Variants in KCNJ14 observed in about 807,000 individuals in gnomAD.
KCNJ14 encodes the protein potassium inwardly rectifying channel subfamily J member 14.
A neutral mutation model predicts 24.5 loss-of-function variants in KCNJ14; 18 were observed. The observed-to-expected ratio is 0.74, with a 90% CI of 0.51 to 1.09. The LOEUF is 1.09. Among genes scored for constraint, KCNJ14 ranks in the 50% least tolerant of loss-of-function variants. The pLI is 0.00. For missense variants in KCNJ14, 633 were observed against 623.0 expected (o/e 1.02, Z -0.17); for synonymous variants, 288 against 270.8 (o/e 1.06, Z -0.63).
Position 48,465,711 on chromosome 19 carries a change from A to G in KCNJ14, c.*934A>G, listed in dbSNP as rs919271971. On this transcript the variant is annotated 3_prime_UTR_variant, in exon 3 of 3. Coordinates refer to ENST00000342291, the MANE Select transcript of KCNJ14 (RefSeq NM_013348.4). Reference sequence around the variant, plus strand: ...TCACAGAGTCAAGGAAGCAGTGGCAATTCTAGATATCTGAGATTTTGCTGG... The same window carrying G: ...TCACAGAGTCAAGGAAGCAGTGGCAGTTCTAGATATCTGAGATTTTGCTGG... The G allele has an allele frequency of 3.3e-5, 5 of 152,650 alleles. No homozygotes were observed. Among genetic ancestry groups the G allele is most frequent in the African/African-American group, 4.8e-5 (2 of 41,446 alleles). 9.5% of individuals were successfully genotyped at this position (152,650 alleles called of 1,614,324 possible).
Position 48,465,971 on chromosome 19 carries a change from G to A in KCNJ14, c.*1194G>A, listed in dbSNP as rs1445519452. The A allele has an allele frequency of 6.6e-6, 1 of 152,662 alleles. No individual in the cohort carries two copies. The highest frequency in any genetic ancestry group is 6.5e-5 in the Admixed American group (1 of 15,284). The allele number at this position is 152,662 out of a possible 1,614,324, so 9.5% of individuals were successfully genotyped here. A position where few individuals can be genotyped will look rare whatever the true frequency, so the allele number is the denominator to read the frequency against. On this transcript the variant is annotated 3_prime_UTR_variant, in exon 3 of 3. Transcript: ENST00000342291. ...GTGAAGGTGAAGGTGAGACCCTGTA[G>A]GGCACAGGGCTAATTAGTGGACAAG...
At chr19:48,459,722 C>G (rs1255512941) in intron 1 of KCNJ14, among the ~76,000 whole-genome samples, 1 of 152,102 alleles carries the variant, frequency 6.6e-6, no homozygotes, top group African/African-American at 2.4e-5. Flanking sequence ...TAGTGTCTTT[C>G]GGAGCACAAA....
intron 1 of KCNJ14, among the ~76,000 whole-genome samples, chr19:48,460,019 CA>C (rs548938477): frequency 0.065 from 7,941 of 122,874 alleles, 243 homozygotes; most frequent in Non-Finnish European, 0.091. Flanking sequence ...GAGTCCATCT[CA>C]AAAAAAAAAA....
intron 2 of KCNJ14, 95 bp from the exon 3 acceptor site, chr19:48,464,086 T>C: frequency 1.1e-6 from 1 of 870,534 alleles, no homozygotes; most frequent in Non-Finnish European, 1.9e-6. Flanking sequence ...CCTGTGGTCT[T>C]TGCCTTCTTT....
In KCNJ14 at chr19:48,461,684, C is replaced by T; in HGVS notation, c.-41C>T. On this transcript the variant is annotated 5_prime_UTR_variant, in exon 2 of 3. Transcript: ENST00000342291. ...TCTTGTCCCAGCAGGTTGGGGGCGC[C>T]TGCCCCCCACTAGGCCAAGTGGAGG... 1 of 1,286,932 alleles carries T rather than the reference C, an allele frequency of 7.8e-7. No individual in the cohort carries two copies. Among genetic ancestry groups the T allele is most frequent in the Non-Finnish European group, 1.0e-6 (1 of 991,780 alleles). 79.7% of individuals were successfully genotyped at this position (1,286,932 alleles called of 1,614,324 possible).
chr19:48,461,095 C>T lies in KCNJ14; in HGVS notation c.-55-575C>T, dbSNP rs571657481. On this transcript the variant is annotated intron_variant, in intron 1 of 2. Transcript: ENST00000342291. ...CAGCACTTTGGGAGGCCAAAGCAGG[C>T]GGATCACGAGGTCAGGAGATCGAGA... Among the ~76,000 whole-genome samples, 9 of 152,126 alleles carry T rather than the reference C, an allele frequency of 5.9e-5. No homozygotes were observed. The East Asian group carries it at 1.4e-3, about 23-fold the overall frequency.
Position 48,462,358 on chromosome 19 carries a change from C to G in KCNJ14, c.634C>G (p.Arg212Gly), listed in dbSNP as rs1476874802. Residue 212 changes from arginine to glycine, a missense_variant, in exon 2 of 3, where the codon CGC becomes GGC. By Grantham distance (125) the Arg-to-Gly change is moderately radical (BLOSUM62 -2). Transcript: ENST00000342291. The surrounding 1 kb of genome is among the most constrained non-coding windows in gnomAD (Gnocchi z 4.9). ...ENAVVALRDH[R>G]LCLMWRVGNL... ...CGCCGTCGTGGCGCTGCGCGACCAC[C>G]GCCTCTGCCTCATGTGGCGCGTCGG... The G allele has an allele frequency of 6.5e-7, 1 of 1,543,034 alleles. No homozygotes were observed.
At position 48,465,539 on chromosome 19, in the gene KCNJ14, T is replaced by C. The variant is rs1268941882; in HGVS notation, c.*762T>C. ...GAAGTGACAGATTAAGAGTTCTTGA[T>C]ATTAGATAACTCCAACTTCTGGCTG... On this transcript the variant is annotated 3_prime_UTR_variant, in exon 3 of 3. Coordinates refer to ENST00000342291, the MANE Select transcript of KCNJ14 (RefSeq NM_013348.4). The C allele has an allele frequency of 6.6e-6, 1 of 152,470 alleles. No homozygotes were observed. Among genetic ancestry groups the C allele is most frequent in the Non-Finnish European group, 1.5e-5 (1 of 68,030 alleles). The allele number at this position is 152,470 out of a possible 1,614,324, so 9.4% of individuals were successfully genotyped here. A position where few individuals can be genotyped will look rare whatever the true frequency, so the allele number is the denominator to read the frequency against.
chr19:48,458,598 C>T (rs899733899), intron 1 of KCNJ14, among the ~76,000 whole-genome samples: 9 of 151,978 alleles, frequency 5.9e-5, no homozygotes, highest in African/African-American at 7.3e-5. Flanking sequence ...TTAATAGAGA[C>T]GGGATTTTGC....
At position 48,464,191 on chromosome 19, in the gene KCNJ14, C is replaced by A. The variant is rs879084431; in HGVS notation, c.725C>A (p.Thr242Asn). 3.7e-6 allele frequency: 6 copies of A among 1,613,542 alleles called. No individual in the cohort carries two copies. Among genetic ancestry groups the A allele is most frequent in the Non-Finnish European group, 5.1e-6 (6 of 1,179,632 alleles). ...VRAQLLQPRV[T>N]PEGEYIPLDH... Reference sequence around the variant, plus strand: ...CGCCTCCTGCTGCAGCCCCGTGTGACCCCAGAGGGTGAGTACATCCCGCTG... The same window carrying A: ...CGCCTCCTGCTGCAGCCCCGTGTGAACCCAGAGGGTGAGTACATCCCGCTG... The change falls in exon 3 of 3, where the codon ACC (threonine) becomes AAC (asparagine). Residue 242 changes from threonine to asparagine, a missense_variant. Thr to Asn is a moderately conservative substitution (Grantham distance 65). Coordinates refer to ENST00000342291, the MANE Select transcript of KCNJ14 (RefSeq NM_013348.4).
Position 48,464,789 on chromosome 19 carries a change from G to A in KCNJ14, c.*12G>A, listed in dbSNP as rs1008999097. On this transcript the variant is annotated 3_prime_UTR_variant, in exon 3 of 3. Coordinates refer to ENST00000342291, the MANE Select transcript of KCNJ14 (RefSeq NM_013348.4). ...CCCTGCCTCCATGATGCAAACTGAT[G>A]TCCCCTTCCCCGTGTATGCCCCCTT... 4 of 1,580,604 alleles carry A rather than the reference G, an allele frequency of 2.5e-6. No homozygotes were observed. The highest frequency in any genetic ancestry group is 2.7e-5 in the African/African-American group (2 of 74,492).
At chr19:48,461,019 A>T (rs879718620) in intron 1 of KCNJ14, among the ~76,000 whole-genome samples, 63 of 151,792 alleles carry the variant, frequency 4.2e-4, no homozygotes, top group Non-Finnish European at 6.8e-4. Context: ...TAAAAAAAAA[A>T]TTTAAAAAAG....
chr19:48,464,171 C>A lies in KCNJ14; in HGVS notation c.715-10C>A, dbSNP rs773864451. The A allele has an allele frequency of 6.2e-7, 1 of 1,605,070 alleles. No individual in the cohort carries two copies. The highest frequency in any genetic ancestry group is 1.1e-5 in the South Asian group (1 of 90,854). ...CCCTGCTGTCTTTGGCTCCTCGCCT[C>A]CTGCTGCAGCCCCGTGTGACCCCAG... On this transcript the variant is annotated splice_polypyrimidine_tract_variant and intron_variant, in intron 2 of 2. Coordinates refer to ENST00000342291, the MANE Select transcript of KCNJ14 (RefSeq NM_013348.4).
chr19:48,461,541 A>T (rs1971596173), intron 1 of KCNJ14, 129 bp from the exon 2 acceptor site: 2 of 392,068 alleles, frequency 5.1e-6, no homozygotes, highest in Non-Finnish European at 8.9e-6. Context: ...AAAAAAAAAA[A>T]AAAAAAAAAT....
Position 48,464,281 on chromosome 19 carries a change from T to C in KCNJ14, c.815T>C (p.Ile272Thr). The change falls in exon 3 of 3, where the codon ATC becomes ACC. Residue 272 changes from isoleucine (I) to threonine (T), a missense_variant. Transcript: ENST00000342291. ...GATCGTATCTTCCTCGTGTCCCCCA[T>C]CACCATCGTCCATGAGATCGACTCT... is the stretch of plus-strand genomic sequence containing the variant. ...GTDRIFLVSP[I>T]TIVHEIDSAS... The C allele has an allele frequency of 6.2e-7, 1 of 1,614,042 alleles. No individual in the cohort carries two copies. The highest frequency in any genetic ancestry group is 1.1e-5 in the South Asian group (1 of 91,062).
Position 48,461,937 on chromosome 19 carries a change from G to C in KCNJ14, c.213G>C (p.Ala71=). The change falls in exon 2 of 3, where the codon GCG becomes GCC. Residue 71 remains alanine (A), a synonymous_variant. Transcript: ENST00000342291. ...TCGTAAACCTGGGTGGCCAGGGCGCGCGCTACCTGAGCGACCTGTTCACCA... is the reference window on the plus strand; with the variant it reads ...TCGTAAACCTGGGTGGCCAGGGCGCCCGCTACCTGAGCGACCTGTTCACCA... ...VRFVNLGGQG[A]RYLSDLFTTC... The C allele has an allele frequency of 6.2e-7, 1 of 1,612,142 alleles. No individual in the cohort carries two copies. Among genetic ancestry groups the C allele is most frequent in the Non-Finnish European group, 8.5e-7 (1 of 1,179,240 alleles).
In KCNJ14 at chr19:48,465,627, T is replaced by C. The variant is rs560022474; in HGVS notation, c.*850T>C. On this transcript the variant is annotated 3_prime_UTR_variant, in exon 3 of 3. Transcript: ENST00000342291. ...AGGATCCACTGGGTGGGTTGTTTTT[T>C]TTTAAAGTGCCATTCTAGAATGTCC... The C allele has an allele frequency of 6.5e-6, 1 of 152,706 alleles. No homozygotes were observed. Among genetic ancestry groups the C allele is most frequent in the East Asian group, 1.9e-4 (1 of 5,178 alleles). The allele number at this position is 152,706 out of a possible 1,614,324, so 9.5% of individuals were successfully genotyped here.
rs1248070660 is a variant in KCNJ14, at chr19:48,464,322, G to A, written c.856G>A (p.Glu286Lys). ...GATCGACTCTGCCAGTCCTCTGTAT[G>A]AGCTAGGACGTGCCGAGCTGGCCAG... ...HEIDSASPLY[E>K]LGRAELARAD... Residue 286 changes from glutamate to lysine, a missense_variant, in exon 3 of 3, where the codon GAG (glutamate) becomes AAG (lysine). By Grantham distance (56) the Glu-to-Lys change is moderately conservative. Coordinates refer to ENST00000342291, the MANE Select transcript of KCNJ14 (RefSeq NM_013348.4). The A allele has an allele frequency of 6.2e-7, 1 of 1,613,562 alleles. No homozygotes were observed. The highest frequency in any genetic ancestry group is 1.3e-5 in the African/African-American group (1 of 74,898).
rs981423731 is a variant in KCNJ14, at chr19:48,461,748, C to A, written c.24C>A (p.Arg8=). Residue 8 remains arginine (R), a synonymous_variant, in exon 2 of 3, where the codon CGC becomes CGA. Coordinates refer to ENST00000342291, the MANE Select transcript of KCNJ14 (RefSeq NM_013348.4). ...CAATGGGCCTGGCCAGGGCCCTACG[C>A]CGCCTCAGCGGCGCCCTGGATTCGG... The part of the protein sequence containing the change: MGLARAL[R]RLSGALDSGD... 2.1e-6 allele frequency: 3 copies of A among 1,439,362 alleles called. No homozygotes were observed. The African/African-American group carries it at 4.4e-5, about 21-fold the overall frequency. The allele number at this position is 1,439,362 out of a possible 1,614,324, so 89.2% of individuals were successfully genotyped here.
Sources: allele counts gnomAD v4.1 joint callset (sites outside exome capture counted in the v4.1 genomes callset), GRCh38; gene constraint gnomAD v4.1.1; non-coding constraint Gnocchi (gnomAD v3.1); transcripts MANE v1.5; gene names NCBI Gene and HGNC (gene_info 2026-07-23, HGNC 2026-07-21).